The following MEIS1 variants were observed in gnomAD, a reference collection of about 807,000 sequenced individuals.
MEIS1 encodes Meis homeobox 1, also known as homeobox protein Meis1.
Under a neutral mutation model 50.8 loss-of-function variants are expected in MEIS1, and 5 were observed. The observed-to-expected ratio is 0.10, with a 90% CI of 0.05 to 0.21. The LOEUF (loss-of-function observed/expected upper bound fraction) is 0.21. Ranked by LOEUF, MEIS1 falls within the 10% of genes least tolerant of loss-of-function variation. The pLI, the probability that MEIS1 is intolerant of heterozygous loss-of-function variation, is 1.00. For missense variants in MEIS1, 318 were observed against 517.3 expected (o/e 0.61, Z 3.74); for synonymous variants, 176 against 179.3 (o/e 0.98, Z 0.15).
intron 8 of MEIS1, among the ~76,000 whole-genome samples, chr2:66,534,299 G>A (rs772278512): frequency 1.3e-5 from 2 of 152,156 alleles, no homozygotes; most frequent in African/African-American, 2.4e-5. Context: ...ACTTTGGGAG[G>A]CCAAGGCGGG....
At chr2:66,537,123 A>T (rs1674540791) in intron 8 of MEIS1, among the ~76,000 whole-genome samples, 1 of 152,194 alleles carries the variant, frequency 6.6e-6, no homozygotes, top group African/African-American at 2.4e-5. Context: ...ACGTCCCTGT[A>T]GATTTTAATG....
intron 7 of MEIS1, among the ~76,000 whole-genome samples, 163 bp downstream of exon 7, chr2:66,464,383 G>T (rs1194429082): frequency 6.6e-6 from 1 of 152,142 alleles, no homozygotes; most frequent in Non-Finnish European, 1.5e-5. Flanking sequence ...CTGCTCTTCT[G>T]TGCTATTCCA....
At chr2:66,560,625 G>A (rs898734381) in intron 9 of MEIS1, among the ~76,000 whole-genome samples, 2 of 151,574 alleles carry the variant, frequency 1.3e-5, no homozygotes, top group Non-Finnish European at 2.9e-5. Flanking sequence ...AATTGTATAT[G>A]TAATTACCTT....
At chr2:66,506,519 C>A (rs1471731241) in intron 7 of MEIS1, among the ~76,000 whole-genome samples, 1 of 152,076 alleles carries the variant, frequency 6.6e-6, no homozygotes, top group African/African-American at 2.4e-5. Flanking sequence ...TGGAAAAACA[C>A]CCAGGAGAGA....
intron 8 of MEIS1, among the ~76,000 whole-genome samples, chr2:66,538,951 G>A (rs1020915785): frequency 6.6e-6 from 1 of 152,040 alleles, no homozygotes; most frequent in African/African-American, 2.4e-5. Flanking sequence ...GCAGTGGCGC[G>A]ATCTCGGCTC....
At chr2:66,502,102 T>A (rs959695552) in intron 7 of MEIS1, among the ~76,000 whole-genome samples, 3 of 152,246 alleles carry the variant, frequency 2.0e-5, no homozygotes, top group African/African-American at 7.2e-5. Context: ...ATGACCTAGA[T>A]ATACATACAG....
At position 66,502,229 on chromosome 2, in the gene MEIS1, T is replaced by C. The variant is rs771211067; in HGVS notation, c.743-9920T>C. On this transcript the variant is annotated intron_variant, in intron 7 of 12. Coordinates refer to ENST00000272369, the MANE Select transcript of MEIS1 (RefSeq NM_002398.3). ...AAAACTTGACGTGTTCAGAAACACA[T>C]GGCTTCCCAAATATAGGCAGGGGTA... Among the ~76,000 whole-genome samples the C allele has an allele frequency of 1.3e-3, 195 of 152,250 alleles. 1 individual carries two copies. Among genetic ancestry groups the C allele is most frequent in the South Asian group, 1.5e-3 (7 of 4,818 alleles).
At position 66,569,083 on chromosome 2, in the gene MEIS1, T is replaced by C; in HGVS notation, c.1148T>C (p.Met383Thr). ...AGTGGAATGGGCATGAATATGGGCA[T>C]GGAGGGGCAGTGGCACTACATGTAA... ...PMSGMGMNMG[M>T]EGQWHYM Residue 383 changes from methionine (M) to threonine (T), a missense_variant, in exon 12 of 13, where the codon ATG becomes ACG. Coordinates refer to ENST00000272369, the MANE Select transcript of MEIS1 (RefSeq NM_002398.3). 1 of 1,613,832 alleles carries C rather than the reference T, an allele frequency of 6.2e-7. No homozygotes were observed. Among genetic ancestry groups the C allele is most frequent in the Non-Finnish European group, 8.5e-7 (1 of 1,179,806 alleles).
At chr2:66,441,300 A>G in intron 4 of MEIS1, 114 bp from the exon 5 acceptor site, 2 of 859,198 alleles carry the variant, frequency 2.3e-6, no homozygotes, top group South Asian at 3.9e-5. Flanking sequence ...ATTGCCATAA[A>G]TCAAAATAAC....
intron 2 of MEIS1, chr2:66,439,454 C>T (rs1671893309): frequency 4.4e-6 from 6 of 1,366,046 alleles, no homozygotes; most frequent in South Asian, 1.9e-5. Flanking sequence ...CCCCAACTCT[C>T]CGCCCGGCGC....
At chr2:66,518,633 A>G (rs1369740799) in intron 8 of MEIS1, among the ~76,000 whole-genome samples, 1 of 152,202 alleles carries the variant, frequency 6.6e-6, no homozygotes, top group Non-Finnish European at 1.5e-5. Flanking sequence ...TAAAGATAAA[A>G]TATCAAACTT....
intron 8 of MEIS1, among the ~76,000 whole-genome samples, chr2:66,525,232 ACAAC>A (rs1413435172): frequency 1.3e-5 from 2 of 151,868 alleles, no homozygotes; most frequent in South Asian, 2.1e-4. Flanking sequence ...CAAACAAAAA[ACAAC>A]AAACAAACAA....
Position 66,516,670 on chromosome 2 carries a change from G to A in MEIS1, c.888+4376G>A, listed in dbSNP as rs541981395. ...CCCTCTCATTGTGGATAAAGCCAATGCGAGAGGTTGTAGAATCTTCCAGGT... is the reference window on the plus strand; with the variant it reads ...CCCTCTCATTGTGGATAAAGCCAATACGAGAGGTTGTAGAATCTTCCAGGT... On this transcript the variant is annotated intron_variant, in intron 8 of 12. Transcript: ENST00000272369. 1.3e-4 allele frequency among the ~76,000 whole-genome samples: 20 copies of A among 152,218 alleles called. No individual in the cohort carries two copies. The South Asian group carries it at 3.1e-3, about 24-fold the overall frequency.
At chr2:66,568,336 G>A in intron 10 of MEIS1, 1 of 232,610 alleles carries the variant, frequency 4.3e-6, no homozygotes, top group Admixed American at 5.2e-5. Context: ...GAGCACTATG[G>A]AAAACTATGT....
intron 2 of MEIS1, chr2:66,439,261 C>A: frequency 9.5e-7 from 1 of 1,053,280 alleles, no homozygotes; most frequent in South Asian, 4.5e-5. Context: ...GTGCGTGGAG[C>A]TGAGGAGGAG....
At chr2:66,505,233 G>A (rs1262993878) in intron 7 of MEIS1, among the ~76,000 whole-genome samples, 1 of 152,096 alleles carries the variant, frequency 6.6e-6, no homozygotes, top group Non-Finnish European at 1.5e-5. Context: ...GGGAAACATA[G>A]TGAGACCCCT....
intron 6 of MEIS1, among the ~76,000 whole-genome samples, chr2:66,447,878 A>C (rs1223157056): frequency 2.6e-5 from 4 of 152,098 alleles, no homozygotes; most frequent in Non-Finnish European, 1.5e-5. Context: ...TCCCCAGTGC[A>C]AGTTGCATGA....
chr2:66,450,288 A>G (rs1165036514), intron 6 of MEIS1, among the ~76,000 whole-genome samples: 1 of 152,160 alleles, frequency 6.6e-6, no homozygotes, highest in East Asian at 1.9e-4. Flanking sequence ...CGAAGTAAAC[A>G]ACCTTGAGTG....
intron 6 of MEIS1, 174 bp downstream of exon 6, chr2:66,443,222 C>A: frequency 2.9e-6 from 2 of 685,374 alleles, no homozygotes; most frequent in Non-Finnish European, 4.5e-6. Flanking sequence ...TTCATTAAGG[C>A]TGGCTCTGGG....
Sources: gnomAD v4.1 joint callset for allele counts (sites outside exome capture counted in the v4.1 genomes callset) on GRCh38, gnomAD v4.1.1 for gene constraint, MANE v1.5 for transcripts, NCBI Gene and HGNC (gene_info 2026-07-23, HGNC 2026-07-21) for gene names.